The following XPO4 variants were observed in gnomAD, a reference collection of about 807,000 sequenced individuals.
XPO4 encodes exportin-4.
Under a neutral mutation model 143.0 loss-of-function variants are expected in XPO4, and 39 were observed. That is an observed-to-expected ratio of 0.27 (90% CI 0.21 to 0.36). The LOEUF (loss-of-function observed/expected upper bound fraction) is 0.36, where lower values mean the gene tolerates loss of function less well. XPO4 is among the 10% of genes least tolerant of loss of function. The pLI is 1.00. For missense variants in XPO4, 907 were observed against 1,348.0 expected, an observed-to-expected ratio of 0.67 and a Z score of 5.12; for synonymous variants, 439 against 474.0, an observed-to-expected ratio of 0.93 and a Z score of 0.96.
At chr13:20,877,638 A>G (rs537344189) in intron 1 of XPO4, among the ~76,000 whole-genome samples, 6 of 152,314 alleles carry the variant, frequency 3.9e-5, no homozygotes, top group African/African-American at 1.4e-4. Flanking sequence ...ATATCTATCT[A>G]TCTCCATACT....
chr13:20,791,994 G>A (rs1278327727), intron 18 of XPO4, among the ~76,000 whole-genome samples: 1 of 152,168 alleles, frequency 6.6e-6, no homozygotes, highest in Non-Finnish European at 1.5e-5. Flanking sequence ...ACCCCAGCCT[G>A]CTCTGGAGCA....
intron 16 of XPO4, among the ~76,000 whole-genome samples, chr13:20,798,128 G>GC (rs2137832974): frequency 6.6e-6 from 1 of 152,164 alleles, no homozygotes; most frequent in Admixed American, 6.5e-5. Context: ...GAGTGACAGA[G>GC]CAAGACTCCG....
At chr13:20,862,600 A>G (rs2060211928) in intron 3 of XPO4, 117 bp downstream of exon 3, 7 of 1,277,918 alleles carry the variant, frequency 5.5e-6, no homozygotes, top group Non-Finnish European at 7.7e-6. Flanking sequence ...AGTGGAGATT[A>G]TAGGTGTGAG....
rs2059542673 is a variant in XPO4, at chr13:20,809,074, T to C, written c.1493+9A>G. On this transcript the variant is annotated intron_variant, in intron 11 of 22. Transcript: ENST00000255305. ...TTTGCTCCATGGGGTTTCTTTGGAC[T>C]GTGTGTACCTTGTCAGAAGAGGTAT... 7 of 1,609,246 alleles carry C rather than the reference T, an allele frequency of 4.3e-6. No individual in the cohort carries two copies. The highest frequency in any genetic ancestry group is 5.9e-6 in the Non-Finnish European group (7 of 1,178,192).
chr13:20,825,739 G>A (rs2059776642), intron 7 of XPO4, among the ~76,000 whole-genome samples: 1 of 152,180 alleles, frequency 6.6e-6, no homozygotes, highest in African/African-American at 2.4e-5. Flanking sequence ...AGATGAGGCA[G>A]GCAACGGAAT....
intron 21 of XPO4, 48 bp downstream of exon 21, chr13:20,787,433 C>T (rs774369812): frequency 1.3e-6 from 2 of 1,543,070 alleles, no homozygotes; most frequent in South Asian, 2.2e-5. Flanking sequence ...GCACCGACCA[C>T]ACTTTTGAAA....
intron 4 of XPO4, chr13:20,849,517 T>C (rs1490990097): frequency 1.0e-6 from 1 of 985,312 alleles, no homozygotes; most frequent in African/African-American, 1.7e-5. Flanking sequence ...GGAAGGCAAG[T>C]TTCCATATCC....
At chr13:20,861,490 T>G (rs1440653122) in intron 3 of XPO4, among the ~76,000 whole-genome samples, 1 of 151,938 alleles carries the variant, frequency 6.6e-6, no homozygotes, top group East Asian at 1.9e-4. Flanking sequence ...GAGATGGGGT[T>G]TCACCATGTT....
intron 1 of XPO4, among the ~76,000 whole-genome samples, chr13:20,897,847 A>C (rs1340055472): frequency 3.3e-5 from 5 of 152,182 alleles, no homozygotes; most frequent in Non-Finnish European, 5.9e-5. Context: ...TCCTGGGGTC[A>C]AGTGATTCTC....
rs2059730361 is a variant in XPO4, at chr13:20,822,289, C to T, written c.841G>A (p.Val281Ile). Reference protein sequence around the residue: ...DSRVMELFFTVHRKIREDSDM... With the variant: ...DSRVMELFFTIHRKIREDSDM... Reference sequence around the variant, plus strand: ...GAATCTTCTCTGATTTTTCGATGTACCTGTTAGAAAGAATTACTAATCCAT... The same window carrying T: ...GAATCTTCTCTGATTTTTCGATGTATCTGTTAGAAAGAATTACTAATCCAT... Residue 281 changes from valine (V) to isoleucine (I), a missense_variant and splice_region_variant, in exon 8 of 23, where the codon GTA becomes ATA. Transcript: ENST00000255305. The T allele has an allele frequency of 1.2e-6, 2 of 1,610,464 alleles. No homozygotes were observed. The highest frequency in any genetic ancestry group is 2.2e-5 in the East Asian group (1 of 44,810).
At position 20,783,819 on chromosome 13, in the gene XPO4, C is replaced by T; in HGVS notation, c.3359G>A (p.Ser1120Asn). The stretch of plus-strand genomic sequence containing the variant: ...CTTCCGATCCAGCGTAGGAGGAGTG[C>T]TGCTTGCAGTGAGCTTGTTGAAGGC... ...ADAFNKLTAS[S>N]TPPTLDRKQK... Residue 1120 changes from serine to asparagine, a missense_variant, in exon 23 of 23, where the codon AGC becomes AAC. Ser to Asn is a conservative substitution (Grantham distance 46). Coordinates refer to ENST00000255305, the MANE Select transcript of XPO4 (RefSeq NM_022459.5). 1 of 1,614,230 alleles carries T rather than the reference C, an allele frequency of 6.2e-7. No homozygotes were observed. The highest frequency in any genetic ancestry group is 8.5e-7 in the Non-Finnish European group (1 of 1,180,038).
chr13:20,885,965 C>T (rs575097435), intron 1 of XPO4, among the ~76,000 whole-genome samples: 1 of 152,258 alleles, frequency 6.6e-6, no homozygotes, highest in South Asian at 2.1e-4. Context: ...GCATGCAATA[C>T]AATTTATACG....
At position 20,783,635 on chromosome 13, in the gene XPO4, T is replaced by C; in HGVS notation, c.*87A>G. On this transcript the variant is annotated 3_prime_UTR_variant, in exon 23 of 23. Coordinates refer to ENST00000255305, the MANE Select transcript of XPO4 (RefSeq NM_022459.5). ...CAAAATCCAAAATGGCCAAATGAAC[T>C]GAGGAATAGGACAAGACTCAAGTCA... 7.0e-7 allele frequency: 1 copy of C among 1,436,188 alleles called. No homozygotes were observed. The highest frequency in any genetic ancestry group is 2.3e-5 in the East Asian group (1 of 43,882). The allele number at this position is 1,436,188 out of a possible 1,614,324, so 89.0% of individuals were successfully genotyped here.
In XPO4 at chr13:20,787,660, A is replaced by C. The variant is rs146007473; in HGVS notation, c.3048-62T>G. On this transcript the variant is annotated intron_variant, in intron 20 of 22. Transcript: ENST00000255305. ...ATATTCGATTTATAAAAGATAAAAA[A>C]ATTATAGCTAGTATTAAATGGATGA... The C allele has an allele frequency of 6.4e-4, 890 of 1,399,746 alleles. 3 individuals carry two copies. The African/African-American group carries it at 0.011, about 18-fold the overall frequency. 86.7% of individuals were successfully genotyped at this position (1,399,746 alleles called of 1,614,324 possible).
At chr13:20,867,553 C>A (rs1041417580) in intron 2 of XPO4, among the ~76,000 whole-genome samples, 1 of 152,188 alleles carries the variant, frequency 6.6e-6, no homozygotes. Flanking sequence ...GGGAGGTGAA[C>A]TGACTTCCTC....
intron 1 of XPO4, among the ~76,000 whole-genome samples, chr13:20,899,236 TA>T (rs1383609605): frequency 6.6e-6 from 1 of 151,692 alleles, no homozygotes; most frequent in Non-Finnish European, 1.5e-5. Context: ...TCCAATAATC[TA>T]AATTGATTGA....
chr13:20,844,158 T>C (rs544376109), intron 4 of XPO4, among the ~76,000 whole-genome samples: 2 of 152,320 alleles, frequency 1.3e-5, no homozygotes, highest in South Asian at 4.1e-4. Context: ...CTGTTCCTAC[T>C]CAATAGTGGA....
In XPO4 at chr13:20,884,622, A is replaced by C. The variant is rs911101315; in HGVS notation, c.70-15921T>G. Reference sequence around the variant, plus strand: ...AGATGGGATTTTTGCCATGTTACCCAGGCTGGTCTCAAAATCCTGGGCTCA... The same window carrying C: ...AGATGGGATTTTTGCCATGTTACCCCGGCTGGTCTCAAAATCCTGGGCTCA... On this transcript the variant is annotated intron_variant, in intron 1 of 22. Transcript: ENST00000255305. 2.0e-5 allele frequency among the ~76,000 whole-genome samples: 3 copies of C among 152,128 alleles called. 1 individual carries two copies. The South Asian group carries it at 6.2e-4, about 32-fold the overall frequency.
chr13:20,879,998 C>T (rs2060391630), intron 1 of XPO4, among the ~76,000 whole-genome samples: 1 of 152,130 alleles, frequency 6.6e-6, no homozygotes, highest in South Asian at 2.1e-4. Context: ...TAGGAAAATA[C>T]AAATCAAAAC....
Sources: gnomAD v4.1 joint callset for allele counts (sites outside exome capture counted in the v4.1 genomes callset) on GRCh38, gnomAD v4.1.1 for gene constraint, MANE v1.5 for transcripts, NCBI Gene and HGNC (gene_info 2026-07-23, HGNC 2026-07-21) for gene names.